The following DEUP1 variants were observed in gnomAD, a reference collection of about 807,000 sequenced individuals.
The protein encoded by DEUP1 is deuterosome assembly protein 1.
In DEUP1, 82 loss-of-function variants were observed where a neutral mutation model predicts 87.4. The ratio of observed to expected loss-of-function variants is 0.94; its 90% CI spans 0.78 to 1.13. The LOEUF is 1.13. Ranked by LOEUF, DEUP1 falls within the 50% of genes most tolerant of loss-of-function variation. The pLI is 0.00. For missense variants in DEUP1, 663 were observed against 681.5 expected (o/e 0.97, Z 0.30); for synonymous variants, 214 against 222.7 (o/e 0.96, Z 0.35).
At chr11:93,407,396 G>A (rs1052952013) in intron 11 of DEUP1, among the ~76,000 whole-genome samples, 3 of 152,134 alleles carry the variant, frequency 2.0e-5, no homozygotes, top group African/African-American at 7.2e-5. Flanking sequence ...TAGACACACT[G>A]TATGATCACA....
intron 11 of DEUP1, among the ~76,000 whole-genome samples, chr11:93,399,051 A>C (rs1293679575): frequency 6.6e-6 from 1 of 152,010 alleles, no homozygotes. Context: ...ATGCTTTTCC[A>C]AATCTGTTGT....
At chr11:93,347,325 A>T (rs1944403113) in intron 2 of DEUP1, among the ~76,000 whole-genome samples, 1 of 152,100 alleles carries the variant, frequency 6.6e-6, no homozygotes, top group Non-Finnish European at 1.5e-5. Context: ...ACATTTATTG[A>T]CTTGCATTTG....
chr11:93,357,105 G>C, intron 4 of DEUP1, 62 bp downstream of exon 4: 1 of 1,019,496 alleles, frequency 9.8e-7, no homozygotes, highest in South Asian at 1.5e-5. Flanking sequence ...TACCTGTAGA[G>C]TTGTGTTAAC....
At chr11:93,394,261 A>G (rs1213681047) in intron 9 of DEUP1, among the ~76,000 whole-genome samples, 198 bp from the exon 10 acceptor site, 1 of 152,186 alleles carries the variant, frequency 6.6e-6, no homozygotes, top group Non-Finnish European at 1.5e-5. Context: ...GAGAAATGAA[A>G]TGTTGGAATT....
chr11:93,418,642 G>T (rs1464791356), intron 13 of DEUP1, among the ~76,000 whole-genome samples: 1 of 151,824 alleles, frequency 6.6e-6, no homozygotes, highest in Non-Finnish European at 1.5e-5. Context: ...CAGGGATCTA[G>T]AACTAGAAAT....
chr11:93,437,088 C>T (rs1309373468), intron 13 of DEUP1, among the ~76,000 whole-genome samples: 2 of 152,176 alleles, frequency 1.3e-5, no homozygotes, highest in Non-Finnish European at 2.9e-5. Context: ...AGCCAGCCCT[C>T]TCACCTGGCT....
chr11:93,430,578 C>T (rs1176278090), intron 13 of DEUP1, among the ~76,000 whole-genome samples: 1 of 151,982 alleles, frequency 6.6e-6, no homozygotes, highest in Non-Finnish European at 1.5e-5. Flanking sequence ...TTACCAGGGG[C>T]AGTGGGGAGG....
intron 13 of DEUP1, among the ~76,000 whole-genome samples, chr11:93,431,321 G>A (rs1948101033): frequency 6.6e-6 from 1 of 151,992 alleles, no homozygotes; most frequent in Non-Finnish European, 1.5e-5. Context: ...TTAAGTAAGG[G>A]AACTATAAGG....
At chr11:93,390,647 G>C (rs1022608914) in intron 9 of DEUP1, among the ~76,000 whole-genome samples, 1 of 152,120 alleles carries the variant, frequency 6.6e-6, no homozygotes, top group Non-Finnish European at 1.5e-5. Flanking sequence ...AAAACTTTGA[G>C]TAATATAAAG....
At chr11:93,360,707 C>G (rs192011639) in intron 4 of DEUP1, among the ~76,000 whole-genome samples, 1 of 151,808 alleles carries the variant, frequency 6.6e-6, no homozygotes, top group African/African-American at 2.4e-5. Flanking sequence ...AAAGAATCAG[C>G]TCGAAGATAA....
intron 12 of DEUP1, among the ~76,000 whole-genome samples, chr11:93,409,775 TA>T (rs1947384347): frequency 6.6e-6 from 1 of 152,206 alleles, no homozygotes; most frequent in East Asian, 1.9e-4. Flanking sequence ...TTAATAATTG[TA>T]AGATTTTCAT....
chr11:93,355,922 G>A (rs1944872808), intron 3 of DEUP1, among the ~76,000 whole-genome samples: 1 of 152,178 alleles, frequency 6.6e-6, no homozygotes, highest in Admixed American at 6.5e-5. Flanking sequence ...CTTTGAATAT[G>A]CTGGAAAAAA....
chr11:93,434,842 G>A (rs534357837), intron 13 of DEUP1, among the ~76,000 whole-genome samples: 13 of 152,268 alleles, frequency 8.5e-5, no homozygotes, highest in Non-Finnish European at 1.5e-4. Context: ...AACAGCCATC[G>A]GTTTAAAGTC....
intron 2 of DEUP1, 69 bp downstream of exon 2, chr11:93,332,357 T>A: frequency 1.5e-6 from 2 of 1,300,954 alleles, no homozygotes; most frequent in Admixed American, 4.1e-5. Context: ...TGAGAACACA[T>A]GAATTTTGAA....
chr11:93,368,571 C>A (rs955206969), intron 5 of DEUP1, among the ~76,000 whole-genome samples: 1 of 152,124 alleles, frequency 6.6e-6, no homozygotes, highest in Non-Finnish European at 1.5e-5. Flanking sequence ...GGAAGTGCTA[C>A]ACACTTTCAA....
chr11:93,402,904 A>G (rs953056993), intron 11 of DEUP1, among the ~76,000 whole-genome samples: 9 of 151,888 alleles, frequency 5.9e-5, no homozygotes, highest in Admixed American at 5.9e-4. Context: ...GAAGTTGGTT[A>G]ACGGGTACAA....
intron 13 of DEUP1, among the ~76,000 whole-genome samples, chr11:93,415,636 C>T (rs181696108): frequency 5.3e-5 from 8 of 151,896 alleles, no homozygotes; most frequent in African/African-American, 1.9e-4. Flanking sequence ...CCAGTCTCTA[C>T]TTCTGCTTGC....
At position 93,355,554 on chromosome 11, in the gene DEUP1, A is replaced by G. The variant is rs753756340; in HGVS notation, c.201+12A>G. On this transcript the variant is annotated intron_variant, in intron 3 of 13. Transcript: ENST00000298050. ...AGAAAGGTCAAGAGGTACTGAATAC[A>G]TATGTTAACAAATTGCTAATTCATC... 6.3e-7 allele frequency: 1 copy of G among 1,595,958 alleles called. No homozygotes were observed. The highest frequency in any genetic ancestry group is 1.3e-5 in the African/African-American group (1 of 74,210).
chr11:93,435,268 G>C (rs1394337052), intron 13 of DEUP1, among the ~76,000 whole-genome samples: 1 of 152,110 alleles, frequency 6.6e-6, no homozygotes, highest in African/African-American at 2.4e-5. Context: ...CAAGAGCTCA[G>C]CTTTGGTTTC....
Sources: gnomAD v4.1 joint callset for allele counts (sites outside exome capture counted in the v4.1 genomes callset) on GRCh38, gnomAD v4.1.1 for gene constraint, MANE v1.5 for transcripts, NCBI Gene and HGNC (gene_info 2026-07-23, HGNC 2026-07-21) for gene names.